RUNX1T1: variants seen among roughly 807,000 people sequenced by gnomAD.
RUNX1T1 encodes the protein protein CBFA2T1.
In RUNX1T1, 4 loss-of-function variants were observed where a neutral mutation model predicts 62.8. The observed-to-expected ratio is 0.06, with a 90% CI of 0.03 to 0.15. The LOEUF (loss-of-function observed/expected upper bound fraction) is 0.15, where lower values mean the gene tolerates loss of function less well. Ranked by LOEUF, RUNX1T1 falls within the 10% of genes least tolerant of loss-of-function variation. RUNX1T1 has a pLI of 1.00. For synonymous variants in RUNX1T1, 291 were observed against 286.0 expected (o/e 1.02, Z -0.18); for missense variants, 508 against 754.3 (o/e 0.67, Z 3.82).
At chr8:92,090,484 G>T (rs545740581) in intron 1 of RUNX1T1, among the ~76,000 whole-genome samples, 1 of 152,164 alleles carries the variant, frequency 6.6e-6, no homozygotes, top group African/African-American at 2.4e-5. Flanking sequence ...CCTCAGTGCA[G>T]TGTAGAATGA....
chr8:91,962,941 A>C (rs1274401510), intron 10 of RUNX1T1, among the ~76,000 whole-genome samples: 1 of 152,232 alleles, frequency 6.6e-6, no homozygotes, highest in Non-Finnish European at 1.5e-5. Context: ...GCTCCTTCAG[A>C]TTGAAATCAG....
At chr8:92,034,819 C>CAT (rs1563811327) in intron 1 of RUNX1T1, among the ~76,000 whole-genome samples, 5 of 109,932 alleles carry the variant, frequency 4.5e-5, no homozygotes, top group Non-Finnish European at 7.5e-5. Flanking sequence ...CACACACACA[C>CAT]ACACACACAC....
At chr8:92,035,296 A>C (rs546616977) in intron 1 of RUNX1T1, among the ~76,000 whole-genome samples, 113 of 139,950 alleles carry the variant, frequency 8.1e-4, no homozygotes, top group Non-Finnish European at 1.2e-3. Context: ...ATTCCATTTC[A>C]AAAAAAAAAA....
At chr8:92,082,888 AGAGGAGGGAGAGAAG>A (rs111464829) in intron 1 of RUNX1T1, among the ~76,000 whole-genome samples, 4,423 of 152,096 alleles carry the variant, frequency 0.029, 202 homozygotes, top group African/African-American at 0.098. Context: ...CCAGAGGAAG[AGAGGAGGGAGAGAAG>A]GAGGAGGGAG....
intron 1 of RUNX1T1, among the ~76,000 whole-genome samples, chr8:92,053,231 A>T (rs1830499433): frequency 6.6e-6 from 1 of 152,146 alleles, no homozygotes; most frequent in African/African-American, 2.4e-5. Context: ...TCAAATTGTT[A>T]CTTACCTAGG....
At chr8:91,993,195 G>A (rs1311901699) in intron 5 of RUNX1T1, among the ~76,000 whole-genome samples, 1 of 152,130 alleles carries the variant, frequency 6.6e-6, no homozygotes, top group African/African-American at 2.4e-5. Context: ...CCGGCATCTA[G>A]TGATGGCATC....
chr8:92,057,775 G>A (rs1234499130), intron 1 of RUNX1T1, among the ~76,000 whole-genome samples: 1 of 152,102 alleles, frequency 6.6e-6, no homozygotes, highest in African/African-American at 2.4e-5. Context: ...TTGTTCTCAA[G>A]TTATGAGTCA....
chr8:92,004,493 C>T (rs190806325), intron 5 of RUNX1T1: 2 of 152,272 alleles, frequency 1.3e-5, no homozygotes, highest in South Asian at 2.1e-4. Context: ...TTTTATTTTA[C>T]ATTTCTTAGA....
At chr8:91,955,553 A>AAGTT (rs1204568223), downstream of RUNX1T1, 1 of 226,006 alleles carries the variant, frequency 4.4e-6, no homozygotes, top group East Asian at 6.4e-5. Context: ...CCAGGAAGAC[A>AAGTT]AGTTAGAGAA....
intron 1 of RUNX1T1, among the ~76,000 whole-genome samples, chr8:92,084,329 T>C (rs1835761054): frequency 6.6e-6 from 1 of 152,162 alleles, no homozygotes; most frequent in Non-Finnish European, 1.5e-5. Flanking sequence ...TTTTGTTTTA[T>C]TGTATGTTTT....
intron 4 of RUNX1T1, among the ~76,000 whole-genome samples, chr8:92,007,404 T>C (rs1820995784): frequency 6.6e-6 from 1 of 151,654 alleles, no homozygotes; most frequent in Non-Finnish European, 1.5e-5. Flanking sequence ...GAGATGGAGG[T>C]TGCAGTGAGC....
At chr8:92,042,247 A>T (rs942978243) in intron 1 of RUNX1T1, among the ~76,000 whole-genome samples, 12 of 152,236 alleles carry the variant, frequency 7.9e-5, no homozygotes, top group African/African-American at 2.9e-4. Context: ...TGTTAAGAGC[A>T]TGAGTTTGAG....
chr8:91,986,436 C>T (rs1804172229), intron 7 of RUNX1T1, 111 bp from the exon 9 acceptor site: 1 of 799,842 alleles, frequency 1.3e-6, no homozygotes, highest in African/African-American at 1.7e-5. Flanking sequence ...AATTTTATCC[C>T]TGAAGGTTTC....
chr8:91,967,790 G>T (rs1468646712), intron 10 of RUNX1T1, among the ~76,000 whole-genome samples: 1 of 152,144 alleles, frequency 6.6e-6, no homozygotes, highest in Non-Finnish European at 1.5e-5. Flanking sequence ...CGTTGTTTTA[G>T]ATTTGGATTA....
intron 5 of RUNX1T1, 28 bp from the exon 7 acceptor site, chr8:91,991,917 T>C: frequency 1.2e-6 from 2 of 1,612,562 alleles, no homozygotes; most frequent in Non-Finnish European, 1.7e-6. Context: ...AAGAGTTTGT[T>C]TCATCATCTA....
At chr8:91,957,958 C>T (rs1357520342), downstream of RUNX1T1, 1 of 220,304 alleles carries the variant, frequency 4.5e-6, no homozygotes, top group African/African-American at 2.2e-5. Flanking sequence ...TTAAAACCAA[C>T]TTGTATATGA....
chr8:91,999,199 T>C (rs1156365454), intron 5 of RUNX1T1, among the ~76,000 whole-genome samples: 1 of 152,160 alleles, frequency 6.6e-6, no homozygotes, highest in East Asian at 1.9e-4. Context: ...AGGACATGTA[T>C]ACAGAAGGTA....
intron 10 of RUNX1T1, among the ~76,000 whole-genome samples, chr8:91,962,292 CCAA>C (rs1356250659): frequency 6.6e-6 from 1 of 151,390 alleles, no homozygotes; most frequent in East Asian, 1.9e-4. Flanking sequence ...AAATTACAAT[CCAA>C]CACGGAAAAA....
intron 8 of RUNX1T1, 124 bp downstream of exon 9, chr8:91,986,000 T>C (rs539058265): frequency 2.7e-6 from 2 of 748,902 alleles, no homozygotes; most frequent in Non-Finnish European, 4.7e-6. Context: ...TATTGGAGGA[T>C]ATGTAAATTG....
Sources: gnomAD v4.1 joint callset for allele counts (sites outside exome capture counted in the v4.1 genomes callset) on GRCh38, gnomAD v4.1.1 for gene constraint, MANE v1.5 for transcripts, NCBI Gene and HGNC (gene_info 2026-07-23, HGNC 2026-07-21) for gene names.